The following PLEKHA7 variants were observed in gnomAD, a reference collection of about 807,000 sequenced individuals.
The protein encoded by PLEKHA7 is pleckstrin homology domain containing A7, also known as pleckstrin homology domain-containing family A member 7.
In PLEKHA7, 104 loss-of-function variants were observed where a neutral mutation model predicts 170.0. The ratio of observed to expected loss-of-function variants is 0.61; its 90% CI spans 0.52 to 0.72. The LOEUF (loss-of-function observed/expected upper bound fraction) is 0.72, where lower values mean the gene tolerates loss of function less well. PLEKHA7 is among the 30% of genes least tolerant of loss of function. The pLI is 0.00. For synonymous variants in PLEKHA7, 648 were observed against 660.8 expected (o/e 0.98, Z 0.30); for missense variants, 1,615 against 1,671.7 (o/e 0.97, Z 0.59).
At chr11:16,935,743 C>A (rs911976272) in intron 3 of PLEKHA7, among the ~76,000 whole-genome samples, 2 of 152,160 alleles carry the variant, frequency 1.3e-5, no homozygotes, top group Non-Finnish European at 2.9e-5. Context: ...TATTCAGATC[C>A]CCATGTGCAA....
At chr11:16,783,629 A>C in intron 25 of PLEKHA7, 71 bp downstream of exon 25, 5 of 1,309,148 alleles carry the variant, frequency 3.8e-6, no homozygotes, top group Non-Finnish European at 4.9e-6. Flanking sequence ...AGCCCGGCCC[A>C]GGGCCCACAT....
chr11:16,934,666 C>T (rs1860165877), intron 3 of PLEKHA7, among the ~76,000 whole-genome samples: 1 of 152,098 alleles, frequency 6.6e-6, no homozygotes, highest in Non-Finnish European at 1.5e-5. Flanking sequence ...ATTTTGTTAT[C>T]CATATTTCAC....
At chr11:16,914,798 G>A (rs2136188500) in intron 3 of PLEKHA7, among the ~76,000 whole-genome samples, 1 of 152,320 alleles carries the variant, frequency 6.6e-6, no homozygotes, top group East Asian at 1.9e-4. Flanking sequence ...AGAAAATGGA[G>A]GTTACGGAAC....
intron 10 of PLEKHA7, among the ~76,000 whole-genome samples, chr11:16,819,563 A>G (rs1319636209): frequency 6.6e-6 from 1 of 152,204 alleles, no homozygotes; most frequent in African/African-American, 2.4e-5. Context: ...TTTATCTAAC[A>G]TTTATTTGGT....
At chr11:16,812,985 G>T in intron 13 of PLEKHA7, 128 bp downstream of exon 13, 1 of 673,586 alleles carries the variant, frequency 1.5e-6, no homozygotes, top group South Asian at 2.0e-5. Flanking sequence ...CAAGATGGGA[G>T]ACATATTGAT....
intron 15 of PLEKHA7, among the ~76,000 whole-genome samples, 154 bp from the exon 16 acceptor site, chr11:16,801,971 CT>C (rs1848625230): frequency 6.6e-6 from 1 of 152,196 alleles, no homozygotes; most frequent in African/African-American, 2.4e-5. Flanking sequence ...GATGCCAGCT[CT>C]GACTCTGTCT....
At chr11:16,958,615 T>C (rs2136580191) in intron 3 of PLEKHA7, among the ~76,000 whole-genome samples, 1 of 152,328 alleles carries the variant, frequency 6.6e-6, no homozygotes. Context: ...CGGTCTAATA[T>C]GCATTATTTC....
Position 16,868,203 on chromosome 11 carries a change from G to A in PLEKHA7, c.305+2896C>T, listed in dbSNP as rs575849692. 2.0e-5 allele frequency among the ~76,000 whole-genome samples: 3 copies of A among 152,234 alleles called. No homozygotes were observed. In the East Asian group the frequency reaches 5.8e-4, roughly 29 times the overall value. On this transcript the variant is annotated intron_variant, in intron 4 of 26. Transcript: ENST00000531066. The stretch of plus-strand genomic sequence containing the variant: ...TTGAACCCTATGTTTCCTCTGTCAT[G>A]AACATTTATCACATTTGTGATCTCT...
intron 3 of PLEKHA7, among the ~76,000 whole-genome samples, chr11:16,977,138 T>C (rs1565173263): frequency 6.6e-6 from 1 of 152,200 alleles, no homozygotes; most frequent in Non-Finnish European, 1.5e-5. Context: ...TCCACCACTC[T>C]GCACTTTAAA....
At chr11:16,914,950 G>T (rs998580954) in intron 3 of PLEKHA7, among the ~76,000 whole-genome samples, 1 of 152,138 alleles carries the variant, frequency 6.6e-6, no homozygotes, top group East Asian at 1.9e-4. Context: ...CATGATGCAG[G>T]CCACACCTCT....
chr11:16,893,111 T>C (rs1373632598), intron 3 of PLEKHA7, among the ~76,000 whole-genome samples: 7 of 152,228 alleles, frequency 4.6e-5, no homozygotes, highest in Non-Finnish European at 1.5e-5. Context: ...GCTTGTAATA[T>C]TTGCATGTAT....
intron 10 of PLEKHA7, among the ~76,000 whole-genome samples, 192 bp downstream of exon 10, chr11:16,825,928 C>T (rs550325013): frequency 1.3e-5 from 2 of 152,330 alleles, no homozygotes; most frequent in East Asian, 3.9e-4. Context: ...TCCTTCACTT[C>T]TCCAAGCCTC....
chr11:16,988,027 A>C (rs1863837140), intron 3 of PLEKHA7, among the ~76,000 whole-genome samples: 1 of 152,214 alleles, frequency 6.6e-6, no homozygotes, highest in Non-Finnish European at 1.5e-5. Flanking sequence ...TGCACCTGTT[A>C]ATAACCAGTG....
At chr11:16,832,171 C>A (rs889981493) in intron 9 of PLEKHA7, among the ~76,000 whole-genome samples, 1 of 152,166 alleles carries the variant, frequency 6.6e-6, no homozygotes, top group Non-Finnish European at 1.5e-5. Context: ...AGCCCACGTC[C>A]CTGATTGCAT....
rs1036314230 is a variant in PLEKHA7, at chr11:16,786,262, C to T, written c.3483G>A (p.Glu1161=). The change falls in exon 24 of 27, where the codon GAG becomes GAA. Residue 1161 remains glutamate, a synonymous_variant. Transcript: ENST00000531066. ...TGATGTCCAAGTCATAGTCTTGAGG[C>T]TCCAGGTCCAACTCAGTGACAGGCA... is the stretch of plus-strand genomic sequence containing the variant. ...QAMPVTELDL[E]PQDYDLDISR... The T allele has an allele frequency of 6.5e-7, 1 of 1,536,186 alleles. No individual in the cohort carries two copies. Among genetic ancestry groups the T allele is most frequent in the South Asian group, 1.2e-5 (1 of 84,066 alleles).
intron 13 of PLEKHA7, 32 bp downstream of exon 13, chr11:16,813,081 G>A (rs746752938): frequency 6.2e-7 from 1 of 1,601,472 alleles, no homozygotes; most frequent in Admixed American, 1.7e-5. Flanking sequence ...AGGTGAGTAT[G>A]CAAGGAAGGC....
intron 3 of PLEKHA7, among the ~76,000 whole-genome samples, chr11:16,960,805 T>C (rs1157142781): frequency 2.6e-5 from 4 of 152,054 alleles, no homozygotes; most frequent in African/African-American, 7.2e-5. Flanking sequence ...GTGGGAACAC[T>C]GCCATGAGGG....
chr11:16,906,201 G>C (rs922752472), intron 3 of PLEKHA7, among the ~76,000 whole-genome samples: 6 of 143,034 alleles, frequency 4.2e-5, no homozygotes, highest in Admixed American at 2.2e-4. Flanking sequence ...GATCCTTAAA[G>C]AGGTGATCAA....
chr11:16,942,621 A>AGTGGC (rs1340570822), intron 3 of PLEKHA7, among the ~76,000 whole-genome samples: 1 of 152,252 alleles, frequency 6.6e-6, no homozygotes. Context: ...GAAGAAGCAG[A>AGTGGC]GTGGCAGAGA....
Sources: allele counts gnomAD v4.1 joint callset (sites outside exome capture counted in the v4.1 genomes callset), GRCh38; gene constraint gnomAD v4.1.1; transcripts MANE v1.5; gene names NCBI Gene and HGNC (gene_info 2026-07-23, HGNC 2026-07-21).